Variants in SHISA9 observed in about 807,000 individuals in gnomAD.
The protein encoded by SHISA9 is shisa family member 9, also known as protein shisa-9.
Under a neutral mutation model 38.0 loss-of-function variants are expected in SHISA9, and 13 were observed. The ratio of observed to expected loss-of-function variants is 0.34; its 90% confidence interval spans 0.22 to 0.54. The LOEUF is 0.54. Ranked by LOEUF, SHISA9 falls within the 20% of genes least tolerant of loss-of-function variation. The probability of loss-of-function intolerance (pLI) is 0.91; values close to 1 mark genes in which losing one functional copy is unlikely to be tolerated. For missense variants in SHISA9, 538 were observed against 575.8 expected (o/e 0.93, Z 0.67); for synonymous variants, 275 against 242.0 (o/e 1.14, Z -1.27).
the SHISA9 span, among the ~76,000 whole-genome samples, chr16:13,401,636 G>A: frequency 1.3e-5 from 2 of 152,168 alleles, no homozygotes; most frequent in East Asian, 3.9e-4. Flanking sequence ...CCCCCCGTAT[G>A]AGGACTTAGC....
chr16:13,190,088 T>G (rs1040126679), intron 2 of SHISA9, among the ~76,000 whole-genome samples: 9 of 152,044 alleles, frequency 5.9e-5, no homozygotes, highest in African/African-American at 1.7e-4. Context: ...AGTCTTTTTT[T>G]TTTTTTTATG....
At chr16:13,189,359 C>G (rs1596715030) in intron 2 of SHISA9, among the ~76,000 whole-genome samples, 1 of 152,136 alleles carries the variant, frequency 6.6e-6, no homozygotes, top group Non-Finnish European at 1.5e-5. Flanking sequence ...CTGATATGTG[C>G]TAGGGGCAGC....
At chr16:13,074,233 G>A (rs564176272) in intron 2 of SHISA9, among the ~76,000 whole-genome samples, 28 of 152,112 alleles carry the variant, frequency 1.8e-4, no homozygotes, top group Non-Finnish European at 1.3e-4. Context: ...GCCTCCCAAA[G>A]TGCTGAGATT....
At chr16:13,001,053 G>A (rs570358098) in intron 2 of SHISA9, among the ~76,000 whole-genome samples, 6 of 152,190 alleles carry the variant, frequency 3.9e-5, no homozygotes, top group Admixed American at 3.3e-4. Flanking sequence ...TCACCCCGCC[G>A]AGTAGCTGGG....
intron 2 of SHISA9, among the ~76,000 whole-genome samples, chr16:13,158,557 C>T (rs562712901): frequency 1.3e-5 from 2 of 152,256 alleles, no homozygotes; most frequent in East Asian, 3.9e-4. Flanking sequence ...ATTCACTGTC[C>T]CTGTTACTTG....
At chr16:13,444,182 G>A in the SHISA9 span, among the ~76,000 whole-genome samples, 2 of 152,180 alleles carry the variant, frequency 1.3e-5, no homozygotes, top group African/African-American at 4.8e-5. Flanking sequence ...ACCAGCCTGG[G>A]CAATATAGAC....
chr16:12,943,824 A>G (rs1211562777), intron 2 of SHISA9, among the ~76,000 whole-genome samples: 1 of 152,214 alleles, frequency 6.6e-6, no homozygotes, highest in Non-Finnish European at 1.5e-5. Context: ...CAGATTAATA[A>G]CAAAAGCTAA....
chr16:13,132,893 CCA>C (rs2050318126), intron 2 of SHISA9, among the ~76,000 whole-genome samples: 1 of 152,184 alleles, frequency 6.6e-6, no homozygotes, highest in Non-Finnish European at 1.5e-5. Context: ...TAGATCTTCC[CCA>C]TGACTGGGGT....
chr16:13,270,628 T>G, the SHISA9 span, among the ~76,000 whole-genome samples: 2 of 152,204 alleles, frequency 1.3e-5, no homozygotes, highest in Non-Finnish European at 2.9e-5. Context: ...TCGGTTGCAA[T>G]GCTGGATCTA....
At chr16:12,954,928 T>C (rs756101237) in intron 2 of SHISA9, among the ~76,000 whole-genome samples, 1 of 152,190 alleles carries the variant, frequency 6.6e-6, no homozygotes, top group Non-Finnish European at 1.5e-5. Context: ...TTATTGGGCA[T>C]CTACTATGCA....
At chr16:13,059,867 A>G (rs1487469214) in intron 2 of SHISA9, among the ~76,000 whole-genome samples, 1 of 152,118 alleles carries the variant, frequency 6.6e-6, no homozygotes. Context: ...GCCATTGACA[A>G]GCCCAGGAGA....
the SHISA9 span, among the ~76,000 whole-genome samples, chr16:13,446,843 G>A: frequency 1.1e-4 from 17 of 152,024 alleles, no homozygotes; most frequent in Admixed American, 7.2e-4. Context: ...AGCCAGGCAC[G>A]CTGACACATG....
chr16:13,203,688 C>A, intron 3 of SHISA9, 139 bp downstream of exon 3: 2 of 911,412 alleles, frequency 2.2e-6, no homozygotes, highest in Non-Finnish European at 3.1e-6. Context: ...CTTTTCTCTG[C>A]CTCTATCTCA....
intron 2 of SHISA9, among the ~76,000 whole-genome samples, chr16:13,100,039 G>A (rs901067957): frequency 3.3e-5 from 5 of 152,224 alleles, no homozygotes; most frequent in Non-Finnish European, 7.3e-5. Flanking sequence ...CTGTAGCAAA[G>A]TGAGGGACAC....
chr16:13,524,588 T>TGGGGG, the SHISA9 span, among the ~76,000 whole-genome samples: 22 of 152,332 alleles, frequency 1.4e-4, no homozygotes, highest in South Asian at 1.2e-3. Flanking sequence ...CGAAACAGTC[T>TGGGGG]TGCTTTGTCA....
intron 2 of SHISA9, among the ~76,000 whole-genome samples, chr16:13,053,535 C>T (rs372654142): frequency 6.6e-6 from 1 of 152,204 alleles, no homozygotes; most frequent in South Asian, 2.1e-4. Context: ...GGTGCCCTTC[C>T]AGAGTTTTCC....
chr16:13,357,268 G>T, the SHISA9 span, among the ~76,000 whole-genome samples: 1 of 152,198 alleles, frequency 6.6e-6, no homozygotes. Flanking sequence ...GGAGTTTTGG[G>T]TTCACGGATA....
Position 13,203,395 on chromosome 16 carries a change from T to G in SHISA9, c.693T>G (p.His231Gln), listed in dbSNP as rs1204517754. 1 of 1,528,324 alleles carries G rather than the reference T, an allele frequency of 6.5e-7. No homozygotes were observed. The allele number at this position is 1,528,324 out of a possible 1,614,324, so 94.7% of individuals were successfully genotyped here. ...MDTRTPINNL[H>Q]ATQMNNAVPT... ...CTCCTTCTGTGTCTTCACTTCCAGA[T>G]GCCACCCAGATGAACAACGCAGTGC... Residue 231 changes from histidine to glutamine, a missense_variant and splice_region_variant, in exon 3 of 5, where the codon CAT becomes CAG. By Grantham distance (24) the His-to-Gln change is conservative. This residue lies in a region of SHISA9 where 326 missense variants were observed against 305.9 expected (regional missense o/e 1.07). Transcript: ENST00000558583.
In SHISA9 at chr16:12,909,165, G is replaced by A. The variant is rs184246344; in HGVS notation, c.563+6538G>A. On this transcript the variant is annotated intron_variant, in intron 1 of 4. Coordinates refer to ENST00000558583, the MANE Select transcript of SHISA9 (RefSeq NM_001145204.3). ...AAGTCTTAATTTATTTTTCTTTGCA[G>A]GGTATGTTGACTTCTCTTTGGGCAC... 265 of 985,950 alleles carry A rather than the reference G, an allele frequency of 2.7e-4. 2 individuals are homozygous for A. Among genetic ancestry groups the A allele is most frequent in the Middle Eastern group, 5.2e-4 (1 of 1,914 alleles). The allele number at this position is 985,950 out of a possible 1,614,324, so 61.1% of individuals were successfully genotyped here.
Sources: allele counts gnomAD v4.1 joint callset (sites outside exome capture counted in the v4.1 genomes callset), GRCh38; gene constraint gnomAD v4.1.1; regional missense constraint gnomAD v4.1.1; transcripts MANE v1.5; gene names NCBI Gene and HGNC (gene_info 2026-07-23, HGNC 2026-07-21).